RNF157: variants seen among roughly 807,000 people sequenced by gnomAD.
RNF157 encodes E3 ubiquitin ligase RNF157.
RNF157 carries 55 observed loss-of-function variants against 88.3 expected under a neutral mutation model. The ratio of observed to expected loss-of-function variants is 0.62; its 90% confidence interval spans 0.50 to 0.78. RNF157 has a LOEUF of 0.78. Ranked by LOEUF, RNF157 falls within the 30% of genes least tolerant of loss-of-function variation. The pLI, the probability that RNF157 is intolerant of heterozygous loss-of-function variation, is 0.00. For synonymous variants in RNF157, 334 were observed against 341.2 expected (o/e 0.98, Z 0.23); for missense variants, 788 against 860.8 (o/e 0.92, Z 1.06).
In RNF157 at chr17:76,161,896, G is replaced by T; in HGVS notation, c.899C>A (p.Thr300Asn). Residue 300 changes from threonine (T) to asparagine (N), a missense_variant, in exon 10 of 19, where the codon ACC becomes AAC. By Grantham distance (65) the Thr-to-Asn change is moderately conservative. Transcript: ENST00000269391. The surrounding 1 kb of genome is among the most constrained non-coding windows in gnomAD (Gnocchi z 4.6). ...CTGGTAGCGCAGCGTGTCTGCACAG[G>T]TGTTACAGAGGCAGAGGTGGCGACA... Reference protein sequence around the residue: ...LPCRHLCLCNTCADTLRYQAN... With the variant: ...LPCRHLCLCNNCADTLRYQAN... 2 of 1,614,224 alleles carry T rather than the reference G, an allele frequency of 1.2e-6. No individual in the cohort carries two copies. Among genetic ancestry groups the T allele is most frequent in the Non-Finnish European group, 1.7e-6 (2 of 1,180,052 alleles).
rs2068941301 is a variant in RNF157, at chr17:76,167,170, A to AT, written c.444-45_444-44insA. ...GGCAAAGCAAAAGTCAGTATCCGGC[A>AT]CAGATGGGTCTGACAACTTCCTCTG... On this transcript the variant is annotated intron_variant, in intron 4 of 18. Transcript: ENST00000269391. 4 of 1,424,176 alleles carry AT rather than the reference A, an allele frequency of 2.8e-6. No homozygotes were observed. The South Asian group carries it at 4.6e-5, about 16-fold the overall frequency. 88.2% of individuals were successfully genotyped at this position (1,424,176 alleles called of 1,614,324 possible). A position where few individuals can be genotyped will look rare whatever the true frequency, so the allele number is the denominator to read the frequency against.
intron 18 of RNF157, chr17:76,147,430 A>C: frequency 5.4e-6 from 4 of 735,256 alleles, no homozygotes; most frequent in Non-Finnish European, 6.7e-6. Context: ...CAAGCCATGG[A>C]ATGCTGGGCC....
intron 2 of RNF157, among the ~76,000 whole-genome samples, chr17:76,185,641 T>C (rs1367743404): frequency 6.6e-6 from 1 of 151,822 alleles, no homozygotes; most frequent in Non-Finnish European, 1.5e-5. Context: ...GGCTAATTTT[T>C]TGTATTTTCA....
chr17:76,152,285 G>T, intron 18 of RNF157, 70 bp downstream of exon 18: 1 of 999,870 alleles, frequency 1.0e-6, no homozygotes, highest in Non-Finnish European at 1.6e-6. Flanking sequence ...GGGTGTACCA[G>T]GGTGAGAGCA....
intron 2 of RNF157, among the ~76,000 whole-genome samples, chr17:76,211,355 C>T (rs145387754): frequency 1.8e-3 from 277 of 152,374 alleles, no homozygotes; most frequent in African/African-American, 5.7e-3. Flanking sequence ...CAGTGTAACA[C>T]TGAAGCAACC....
chr17:76,177,917 T>G (rs993624746), intron 2 of RNF157, among the ~76,000 whole-genome samples: 2 of 152,098 alleles, frequency 1.3e-5, no homozygotes, highest in Non-Finnish European at 1.5e-5. Context: ...AGCTTCCCAC[T>G]CCAGGGTCTC....
At chr17:76,172,539 C>T (rs758142401) in intron 3 of RNF157, among the ~76,000 whole-genome samples, 8 of 139,904 alleles carry the variant, frequency 5.7e-5, no homozygotes, top group African/African-American at 8.2e-5. Flanking sequence ...TGCAGTGAGC[C>T]GAGATCGCAG....
At chr17:76,204,340 A>G (rs2069641089) in intron 2 of RNF157, among the ~76,000 whole-genome samples, 1 of 152,148 alleles carries the variant, frequency 6.6e-6, no homozygotes, top group Admixed American at 6.5e-5. Context: ...CCTTCCCTGG[A>G]GAGAGGGCAT....
At chr17:76,216,115 C>CA (rs1414766468) in intron 1 of RNF157, among the ~76,000 whole-genome samples, 4 of 152,110 alleles carry the variant, frequency 2.6e-5, no homozygotes, top group Non-Finnish European at 5.9e-5. Flanking sequence ...AAAGATGTTA[C>CA]ACAGATGGAT....
rs2144837505 is a variant in RNF157, at chr17:76,161,859, G to A, written c.936C>T (p.Cys312=). ...ADTLRYQANN[C]PICRLPFRAL... is the part of the protein sequence containing the mutation. ...GGGGCTTACGCAGTCGGCAGATGGG[G>A]CAGTTGTTGGCCTGGTAGCGCAGCG... is the stretch of plus-strand genomic sequence containing the variant. The change falls in exon 10 of 19, where the codon TGC becomes TGT. Residue 312 remains cysteine (C), a synonymous_variant. Transcript: ENST00000269391. This position sits in a 1 kb window ranked among gnomAD's most constrained non-coding sequence, Gnocchi z 4.6. 1 of 1,614,162 alleles carries A rather than the reference G, an allele frequency of 6.2e-7. No homozygotes were observed. The highest frequency in any genetic ancestry group is 1.1e-5 in the South Asian group (1 of 91,082).
chr17:76,145,935 C>G (rs2144780526), intron 18 of RNF157, among the ~76,000 whole-genome samples: 1 of 152,280 alleles, frequency 6.6e-6, no homozygotes, highest in Non-Finnish European at 1.5e-5. Context: ...TGCACCTACG[C>G]AGCTGTTGAG....
In RNF157 at chr17:76,209,792, C is replaced by T. The variant is rs62090135; in HGVS notation, c.207+2572G>A. On this transcript the variant is annotated intron_variant, in intron 2 of 18. Coordinates refer to ENST00000269391, the MANE Select transcript of RNF157 (RefSeq NM_052916.3). Reference sequence around the variant, plus strand: ...TTTGTTTTTTTGAGACGGAGTCTCACTCTGTCGCCCAGGCTGGAGTGCAGT... The same window carrying T: ...TTTGTTTTTTTGAGACGGAGTCTCATTCTGTCGCCCAGGCTGGAGTGCAGT... Among the ~76,000 whole-genome samples the T allele has an allele frequency of 9.1e-3, 1,379 of 152,290 alleles. 15 individuals carry two copies. The highest frequency in any genetic ancestry group is 0.034 in the South Asian group (166 of 4,830).
In RNF157 at chr17:76,165,565, G is replaced by A. The variant is rs141003981; in HGVS notation, c.629-20C>T. ...AATACTCTGAAAGAAACAAAGGCAC[G>A]TGAGTGAAGAAGCCCAAACAGCACA... On this transcript the variant is annotated intron_variant, in intron 6 of 18. Coordinates refer to ENST00000269391, the MANE Select transcript of RNF157 (RefSeq NM_052916.3). 712 of 1,614,006 alleles carry A rather than the reference G, an allele frequency of 4.4e-4. 7 individuals are homozygous for A. In the African/African-American group the frequency reaches 8.2e-3, roughly 19 times the overall value.
chr17:76,171,880 G>A (rs74593550), intron 3 of RNF157, among the ~76,000 whole-genome samples: 1,781 of 152,290 alleles, frequency 0.012, 29 homozygotes, highest in African/African-American at 0.04. Flanking sequence ...AGGCTGCCAC[G>A]GCAGAGGCTA....
At chr17:76,210,993 T>C (rs1175666636) in intron 2 of RNF157, among the ~76,000 whole-genome samples, 1 of 152,094 alleles carries the variant, frequency 6.6e-6, no homozygotes, top group Non-Finnish European at 1.5e-5. Flanking sequence ...TTAATAGAGA[T>C]AGGGTTTCAC....
At chr17:76,194,650 A>C (rs2144956660) in intron 2 of RNF157, among the ~76,000 whole-genome samples, 1 of 152,238 alleles carries the variant, frequency 6.6e-6, no homozygotes, top group East Asian at 1.9e-4. Context: ...AGTTTAGATA[A>C]CTCTGCTTTC....
chr17:76,230,099 G>A (rs182202474), intron 1 of RNF157, among the ~76,000 whole-genome samples: 1 of 152,270 alleles, frequency 6.6e-6, no homozygotes, highest in East Asian at 1.9e-4. Flanking sequence ...ATGGACTGAT[G>A]TCTCATCTGC....
chr17:76,213,764 G>A (rs1243899486), intron 1 of RNF157, among the ~76,000 whole-genome samples: 1 of 152,010 alleles, frequency 6.6e-6, no homozygotes. Flanking sequence ...GAAGGGAGAG[G>A]GGATGAAAGT....
chr17:76,226,386 T>G, intron 1 of RNF157: 1 of 1,590,550 alleles, frequency 6.3e-7, no homozygotes, highest in Non-Finnish European at 8.6e-7. Context: ...AGATGGCCAA[T>G]TGGGTTCACC....
Sources: allele counts gnomAD v4.1 joint callset (sites outside exome capture counted in the v4.1 genomes callset), GRCh38; gene constraint gnomAD v4.1.1; non-coding constraint Gnocchi (gnomAD v3.1); transcripts MANE v1.5; gene names NCBI Gene and HGNC (gene_info 2026-07-23, HGNC 2026-07-21).